CTNND2: variants seen among roughly 807,000 people sequenced by gnomAD.
CTNND2 encodes the protein catenin delta 2.
A neutral mutation model predicts 144.4 loss-of-function variants in CTNND2; 22 were observed. That is an observed-to-expected ratio of 0.15 (90% CI 0.11 to 0.22). The LOEUF (loss-of-function observed/expected upper bound fraction) is 0.22, where lower values mean the gene tolerates loss of function less well. Ranked by LOEUF, CTNND2 falls within the 10% of genes least tolerant of loss-of-function variation. CTNND2 has a pLI of 1.00. For synonymous variants in CTNND2, 751 were observed against 695.6 expected (o/e 1.08, Z -1.25); for missense variants, 1,353 against 1,618.8 (o/e 0.84, Z 2.82).
intron 2 of CTNND2, among the ~76,000 whole-genome samples, chr5:11,705,114 C>T (rs192316227): frequency 6.6e-6 from 1 of 152,280 alleles, no homozygotes; most frequent in East Asian, 1.9e-4. Context: ...GAGCTGACAT[C>T]TGTCAATGGT....
At chr5:11,129,287 A>AT (rs1755298445) in intron 12 of CTNND2, among the ~76,000 whole-genome samples, 5 of 74,138 alleles carry the variant, frequency 6.7e-5, no homozygotes, top group African/African-American at 2.6e-4. Flanking sequence ...ATTATATAAA[A>AT]ATATATAATA....
chr5:11,338,556 T>G (rs976567133), intron 9 of CTNND2, among the ~76,000 whole-genome samples: 9 of 152,246 alleles, frequency 5.9e-5, no homozygotes, highest in African/African-American at 2.2e-4. Context: ...TAACGAGGAA[T>G]TAAGTAACTA....
chr5:11,046,069 C>T (rs947662213), intron 16 of CTNND2, among the ~76,000 whole-genome samples: 28 of 152,020 alleles, frequency 1.8e-4, no homozygotes, highest in African/African-American at 6.5e-4. Flanking sequence ...GGTATGCTGC[C>T]GGTTCTGGGT....
chr5:11,421,185 A>G (rs772792624), intron 3 of CTNND2, among the ~76,000 whole-genome samples: 6 of 152,184 alleles, frequency 3.9e-5, no homozygotes, highest in Non-Finnish European at 8.8e-5. Flanking sequence ...AATCACCATG[A>G]CAACAACTGG....
At chr5:11,888,094 A>C (rs866435746) in intron 1 of CTNND2, among the ~76,000 whole-genome samples, 1 of 152,216 alleles carries the variant, frequency 6.6e-6, no homozygotes, top group African/African-American at 2.4e-5. Context: ...GAGGGCTTCA[A>C]TTTTATAAAT....
intron 3 of CTNND2, among the ~76,000 whole-genome samples, chr5:11,436,800 T>C (rs1763815203): frequency 6.6e-6 from 1 of 152,226 alleles, no homozygotes; most frequent in Non-Finnish European, 1.5e-5. Flanking sequence ...AATATTTCCC[T>C]TTTGAATTGA....
intron 14 of CTNND2, among the ~76,000 whole-genome samples, chr5:11,109,373 T>C (rs531038439): frequency 6.7e-6 from 1 of 148,254 alleles, no homozygotes; most frequent in African/African-American, 2.6e-5. Flanking sequence ...TCTAGAATTA[T>C]CCCTACAGGG....
chr5:11,255,347 G>A (rs1744126904), intron 9 of CTNND2, among the ~76,000 whole-genome samples: 1 of 152,192 alleles, frequency 6.6e-6, no homozygotes, highest in Non-Finnish European at 1.5e-5. Context: ...CATCATTTCT[G>A]GAGAGCAGAC....
chr5:11,141,154 A>G (rs576227959), intron 12 of CTNND2, among the ~76,000 whole-genome samples: 3 of 152,184 alleles, frequency 2.0e-5, no homozygotes, highest in East Asian at 3.9e-4. Flanking sequence ...GGGTCTCCCT[A>G]TGTTGCCTGG....
intron 11 of CTNND2, among the ~76,000 whole-genome samples, chr5:11,162,704 G>A (rs1171215660): frequency 2.7e-5 from 4 of 146,658 alleles, no homozygotes; most frequent in African/African-American, 7.3e-5. Flanking sequence ...TTTCTTGAGG[G>A]GGAATTCAGC....
intron 2 of CTNND2, among the ~76,000 whole-genome samples, chr5:11,578,755 G>C (rs952014775): frequency 2.6e-5 from 4 of 152,158 alleles, no homozygotes; most frequent in African/African-American, 9.7e-5. Flanking sequence ...CAGTCAGAGA[G>C]GTTAAGTGAA....
At chr5:11,902,274 A>T (rs1194392860) in intron 1 of CTNND2, among the ~76,000 whole-genome samples, 1 of 152,224 alleles carries the variant, frequency 6.6e-6, no homozygotes, top group African/African-American at 2.4e-5. Context: ...AATAAAAGAC[A>T]TTTGAGGGCA....
intron 1 of CTNND2, among the ~76,000 whole-genome samples, chr5:11,886,299 A>T (rs1212512843): frequency 6.6e-6 from 1 of 152,134 alleles, no homozygotes; most frequent in Non-Finnish European, 1.5e-5. Flanking sequence ...AGAAGAACCA[A>T]ATAGTACTTT....
intron 3 of CTNND2, among the ~76,000 whole-genome samples, chr5:11,446,892 C>T (rs545851049): frequency 2.6e-5 from 4 of 152,108 alleles, no homozygotes; most frequent in South Asian, 4.2e-4. Context: ...TGGTGTTGGG[C>T]GCCCAGCTTA....
chr5:11,036,766 C>T (rs1744118475), intron 16 of CTNND2, among the ~76,000 whole-genome samples: 1 of 152,136 alleles, frequency 6.6e-6, no homozygotes, highest in Non-Finnish European at 1.5e-5. Context: ...TCCGGTGACA[C>T]TAAAGATTTT....
At chr5:11,325,322 C>T (rs2150074656) in intron 9 of CTNND2, among the ~76,000 whole-genome samples, 1 of 151,862 alleles carries the variant, frequency 6.6e-6, no homozygotes, top group South Asian at 2.1e-4. Flanking sequence ...CTTTTTTCCT[C>T]TGGCCATAAA....
At chr5:11,232,103 G>A (rs765192975) in intron 10 of CTNND2, among the ~76,000 whole-genome samples, 47 of 152,382 alleles carry the variant, frequency 3.1e-4, no homozygotes, top group Admixed American at 7.8e-4. Flanking sequence ...GATTTCACAG[G>A]ATGTGTGGAA....
intron 1 of CTNND2, among the ~76,000 whole-genome samples, chr5:11,896,776 T>C (rs531915938): frequency 7.0e-4 from 106 of 152,296 alleles, no homozygotes; most frequent in African/African-American, 2.4e-3. Flanking sequence ...ACATTCAATA[T>C]AGTTATTTGC....
chr5:11,845,972 C>T (rs1450956346), intron 1 of CTNND2, among the ~76,000 whole-genome samples: 2 of 152,130 alleles, frequency 1.3e-5, no homozygotes, highest in African/African-American at 4.8e-5. Context: ...TACTTTGACA[C>T]ATCCCTGGAA....
Sources: allele counts gnomAD v4.1 joint callset (sites outside exome capture counted in the v4.1 genomes callset), GRCh38; gene constraint gnomAD v4.1.1; transcripts MANE v1.5; gene names NCBI Gene and HGNC (gene_info 2026-07-23, HGNC 2026-07-21).